The following CDC42SE2 variants were observed in gnomAD, a reference collection of about 807,000 sequenced individuals.
The protein encoded by CDC42SE2 is CDC42 small effector protein 2.
Under a neutral mutation model 11.5 loss-of-function variants are expected in CDC42SE2, and 3 were observed. That is an observed-to-expected ratio of 0.26 (90% CI 0.12 to 0.67). The LOEUF is 0.67. CDC42SE2 is among the 30% of genes least tolerant of loss of function. The pLI is 0.80. For synonymous variants in CDC42SE2, 33 were observed against 34.8 expected, an observed-to-expected ratio of 0.95 and a Z score of 0.18; for missense variants, 82 against 106.8, an observed-to-expected ratio of 0.77 and a Z score of 1.02.
chr5:131,297,110 A>G (rs1757584502), intron 1 of CDC42SE2, among the ~76,000 whole-genome samples: 1 of 151,698 alleles, frequency 6.6e-6, no homozygotes, highest in South Asian at 2.1e-4. Context: ...TGTGCTTTTT[A>G]TAAAAGTCAT....
At chr5:131,358,730 A>G (rs564370152) in intron 2 of CDC42SE2, among the ~76,000 whole-genome samples, 3 of 152,272 alleles carry the variant, frequency 2.0e-5, no homozygotes, top group African/African-American at 7.2e-5. Context: ...CCAGTGGATA[A>G]GGTAATAAGT....
At chr5:131,319,994 T>C (rs1758126860) in intron 2 of CDC42SE2, among the ~76,000 whole-genome samples, 2 of 132,574 alleles carry the variant, frequency 1.5e-5, no homozygotes, top group African/African-American at 5.8e-5. Flanking sequence ...GAAGTTGCAG[T>C]GAGCGGAGAT....
intron 1 of CDC42SE2, among the ~76,000 whole-genome samples, chr5:131,294,898 T>A (rs1248764308): frequency 2.0e-5 from 3 of 151,894 alleles, no homozygotes; most frequent in Admixed American, 6.6e-5. Context: ...GAGGCCGAGG[T>A]GGGCGGGTCA....
chr5:131,321,311 A>G (rs1022193431), intron 2 of CDC42SE2, among the ~76,000 whole-genome samples: 2 of 152,228 alleles, frequency 1.3e-5, no homozygotes, highest in African/African-American at 2.4e-5. Context: ...AAGATGACCT[A>G]TATCAGTATG....
Sources: gnomAD v4.1 joint callset for allele counts (sites outside exome capture counted in the v4.1 genomes callset) on GRCh38, gnomAD v4.1.1 for gene constraint, MANE v1.5 for transcripts, NCBI Gene and HGNC (gene_info 2026-07-23, HGNC 2026-07-21) for gene names.